The following TSHZ2 variants were observed in gnomAD, a reference collection of about 807,000 sequenced individuals.
TSHZ2 encodes teashirt zinc finger homeobox 2, also known as teashirt homolog 2.
Under a neutral mutation model 74.4 loss-of-function variants are expected in TSHZ2, and 21 were observed. That is an observed-to-expected ratio of 0.28 (90% CI 0.20 to 0.41). The LOEUF (loss-of-function observed/expected upper bound fraction) is 0.41, where lower values mean the gene tolerates loss of function less well. Ranked by LOEUF, TSHZ2 falls within the 10% of genes least tolerant of loss-of-function variation. The probability of loss-of-function intolerance (pLI) is 1.00; values close to 1 mark genes in which losing one functional copy is unlikely to be tolerated. For synonymous variants in TSHZ2, 540 were observed against 515.3 expected (o/e 1.05, Z -0.65); for missense variants, 1,244 against 1,293.5 (o/e 0.96, Z 0.59).
chr20:53,147,870 C>G (rs1221760993), intron 1 of TSHZ2, among the ~76,000 whole-genome samples: 2 of 152,178 alleles, frequency 1.3e-5, no homozygotes, highest in Admixed American at 6.5e-5. Context: ...GCATGCACCA[C>G]CACGCCTGGC....
At chr20:53,435,389 T>C (rs1984010621) in intron 2 of TSHZ2, among the ~76,000 whole-genome samples, 1 of 152,228 alleles carries the variant, frequency 6.6e-6, no homozygotes, top group Non-Finnish European at 1.5e-5. Context: ...TTCTTTGTTT[T>C]TCCCCCGCCC....
chr20:53,220,817 A>G lies in TSHZ2; in HGVS notation c.41-32682A>G, dbSNP rs1488619956. 3.9e-5 allele frequency among the ~76,000 whole-genome samples: 6 copies of G among 152,202 alleles called. No individual in the cohort carries two copies. In the East Asian group the frequency reaches 1.2e-3, roughly 29 times the overall value. ...TCAAATGATTATAGAAAGAAGAAAA[A>G]TTAAACACAGCAGGCCATGAGAAAA... is the stretch of plus-strand genomic sequence containing the variant. On this transcript the variant is annotated intron_variant, in intron 1 of 2. Coordinates refer to ENST00000371497, the MANE Select transcript of TSHZ2 (RefSeq NM_173485.6).
At chr20:53,064,809 G>T (rs1029816954) in intron 1 of TSHZ2, among the ~76,000 whole-genome samples, 3 of 152,048 alleles carry the variant, frequency 2.0e-5, no homozygotes, top group Non-Finnish European at 2.9e-5. Context: ...TGGATATCTG[G>T]ACTTTTGACT....
At chr20:53,076,695 C>G (rs537505574) in intron 1 of TSHZ2, among the ~76,000 whole-genome samples, 1 of 152,116 alleles carries the variant, frequency 6.6e-6, no homozygotes, top group African/African-American at 2.4e-5. Context: ...GAGTGGAGAA[C>G]ATTTTAGGCA....
In TSHZ2 at chr20:53,463,485, GGAAA is replaced by G. The variant is rs200532677; in HGVS notation, c.*9-23652_*9-23649del. ...AAGGTTGGCTTAGGGGGTAGGGAGA[GGAAA>G]GAAAGAGAGAAGGAAGAGAGGAATG... On this transcript the variant is annotated intron_variant, in intron 2 of 2. Transcript: ENST00000371497. 4.2e-4 allele frequency among the ~76,000 whole-genome samples: 55 copies of G among 130,266 alleles called. 2 individuals are homozygous for G. In the East Asian group the frequency reaches 9.0e-3, roughly 21 times the overall value. 85.5% of individuals were successfully genotyped at this position (130,266 alleles called of 152,430 possible).
chr20:53,273,389 G>C (rs965047722), intron 2 of TSHZ2: 4 of 152,382 alleles, frequency 2.6e-5, no homozygotes, highest in African/African-American at 9.7e-5. Context: ...TGCCTCCTGG[G>C]TTCAAGTGAT....
chr20:53,160,575 C>A (rs1343470477), intron 1 of TSHZ2, among the ~76,000 whole-genome samples: 1 of 151,914 alleles, frequency 6.6e-6, no homozygotes, highest in African/African-American at 2.4e-5. Flanking sequence ...TCAAGACCAG[C>A]CTGACCAACA....
intron 1 of TSHZ2, among the ~76,000 whole-genome samples, chr20:53,222,084 T>C (rs1989575749): frequency 6.6e-6 from 1 of 152,206 alleles, no homozygotes; most frequent in Non-Finnish European, 1.5e-5. Context: ...TTACTTCTTA[T>C]AATATTTAGG....
chr20:53,172,329 A>G (rs1988222582), intron 1 of TSHZ2, among the ~76,000 whole-genome samples: 1 of 152,288 alleles, frequency 6.6e-6, no homozygotes, highest in Non-Finnish European at 1.5e-5. Flanking sequence ...TTCCTCTTCA[A>G]TTGGCCAAAT....
chr20:53,206,432 T>C (rs549769245), intron 1 of TSHZ2: 15 of 152,348 alleles, frequency 9.8e-5, no homozygotes, highest in South Asian at 4.1e-4. Flanking sequence ...TTTACTTTTC[T>C]GACTCTAACA....
chr20:53,058,220 C>T (rs1984704757), intron 1 of TSHZ2, among the ~76,000 whole-genome samples: 1 of 152,144 alleles, frequency 6.6e-6, no homozygotes. Context: ...TGGCCTGGTT[C>T]CTAACAGGCC....
intron 2 of TSHZ2, among the ~76,000 whole-genome samples, chr20:53,281,149 G>A (rs1991053613): frequency 1.3e-5 from 2 of 152,206 alleles, no homozygotes; most frequent in African/African-American, 2.4e-5. Flanking sequence ...TTTCAGTGCT[G>A]TTAGTTGTAA....
intron 1 of TSHZ2, among the ~76,000 whole-genome samples, chr20:52,992,200 G>T (rs1307224865): frequency 6.6e-6 from 1 of 152,120 alleles, no homozygotes; most frequent in Non-Finnish European, 1.5e-5. Context: ...TAGGAATTGT[G>T]GGAACAATTC....
At chr20:52,977,306 A>G (rs1418629089) in intron 1 of TSHZ2, among the ~76,000 whole-genome samples, 2 of 152,132 alleles carry the variant, frequency 1.3e-5, no homozygotes, top group African/African-American at 4.8e-5. Flanking sequence ...TTCCTCCCTC[A>G]CTTTGTTTAA....
chr20:53,251,683 T>C (rs761224570), intron 1 of TSHZ2, among the ~76,000 whole-genome samples: 24 of 152,176 alleles, frequency 1.6e-4, no homozygotes, highest in Non-Finnish European at 3.2e-4. Context: ...AACACAACCA[T>C]AAAACTCATG....
rs534232305 is a variant in TSHZ2 at position 53,144,214 on chromosome 20, G to A, written c.41-109285G>A. On this transcript the variant is annotated intron_variant, in intron 1 of 2. Transcript: ENST00000371497. ...GTTTAGAATCTTGCAGCCTCCAGCC[G>A]CATGACTCCTAAACCATAGTTTCTA... Among the ~76,000 whole-genome samples, 4 of 152,278 alleles carry A rather than the reference G, an allele frequency of 2.6e-5. No homozygotes were observed. In the South Asian group the frequency reaches 6.2e-4, roughly 24 times the overall value.
chr20:53,179,981 C>T (rs527269242), intron 1 of TSHZ2, among the ~76,000 whole-genome samples: 3 of 152,290 alleles, frequency 2.0e-5, no homozygotes, highest in East Asian at 3.9e-4. Context: ...GTAATGGAAA[C>T]ACCTTCTGAA....
At chr20:53,386,944 GA>G (rs1982069413) in intron 2 of TSHZ2, among the ~76,000 whole-genome samples, 1 of 151,190 alleles carries the variant, frequency 6.6e-6, no homozygotes, top group African/African-American at 2.4e-5. Flanking sequence ...TTTTATATAT[GA>G]AAGGGATATA....
chr20:53,043,720 A>G (rs1984127188), intron 1 of TSHZ2, among the ~76,000 whole-genome samples: 2 of 152,148 alleles, frequency 1.3e-5, no homozygotes, highest in Non-Finnish European at 2.9e-5. Flanking sequence ...TAGGATTTGT[A>G]TATATTTATC....
Sources: allele counts gnomAD v4.1 joint callset (sites outside exome capture counted in the v4.1 genomes callset), GRCh38; gene constraint gnomAD v4.1.1; transcripts MANE v1.5; gene names NCBI Gene and HGNC (gene_info 2026-07-23, HGNC 2026-07-21).